Variants in LSM5 observed in about 807,000 individuals in gnomAD.
The protein encoded by LSM5 is U6 snRNA-associated Sm-like protein LSm5.
A neutral mutation model predicts 13.8 loss-of-function variants in LSM5; 8 were observed. The observed-to-expected ratio is 0.58, with a 90% CI of 0.34 to 1.04. The LOEUF (loss-of-function observed/expected upper bound fraction) is 1.04. Among genes scored for constraint, LSM5 ranks in the 50% least tolerant of loss-of-function variants. LSM5 has a pLI of 0.03. For synonymous variants in LSM5, 35 were observed against 37.0 expected (o/e 0.95, Z 0.20); for missense variants, 80 against 108.1 (o/e 0.74, Z 1.15).
Position 32,489,308 on chromosome 7 carries a change from A to C in LSM5, c.83T>G (p.Ile28Ser). The C allele has an allele frequency of 6.2e-7, 1 of 1,608,450 alleles. No homozygotes were observed. Among genetic ancestry groups the C allele is most frequent in the Non-Finnish European group, 8.5e-7 (1 of 1,176,184 alleles). ...VDKCIGSRIH[I>S]VMKSDKEIVG... is the part of the protein sequence containing the mutation. Reference sequence around the variant, plus strand: ...AATTTCCTTATCACTCTTCATCACGATGTGAATTCTTGATCCTATACATTT... The same window carrying C: ...AATTTCCTTATCACTCTTCATCACGCTGTGAATTCTTGATCCTATACATTT... Residue 28 changes from isoleucine (I) to serine (S), a missense_variant, in exon 2 of 5, where the codon ATC becomes AGC. Transcript: ENST00000450169.
chr7:32,490,431 T>A, upstream of LSM5: 1 of 1,378,182 alleles, frequency 7.3e-7, no homozygotes, highest in Non-Finnish European at 1.0e-6. Context: ...GCTTCCGCTT[T>A]TTCCGCAGCC....
chr7:32,491,017 G>A (rs540828342), upstream of LSM5, among the ~76,000 whole-genome samples: 3 of 152,280 alleles, frequency 2.0e-5, no homozygotes, highest in South Asian at 4.1e-4. Context: ...TTCCAGAAGT[G>A]TAAAATCATG....
chr7:32,494,022 AG>A (rs1279026429), upstream of LSM5, among the ~76,000 whole-genome samples: 1 of 151,770 alleles, frequency 6.6e-6, no homozygotes, highest in Non-Finnish European at 1.5e-5. Flanking sequence ...TGTACTAGAG[AG>A]GGGGTTTTAC....
Position 32,485,941 on chromosome 7 carries a change from C to T in LSM5, c.*1320G>A, listed in dbSNP as rs1786431672. ...TGCCACTGCATTCCAGTGAGACTCT[C>T]CAAAAAAAAAAAAAAAAAAAAAAAA... On this transcript the variant is annotated 3_prime_UTR_variant, in exon 5 of 5. Coordinates refer to ENST00000450169, the MANE Select transcript of LSM5 (RefSeq NM_012322.3). 3.0e-5 allele frequency: 1 copy of T among 33,316 alleles called. No individual in the cohort carries two copies. The highest frequency in any genetic ancestry group is 7.0e-5 in the Non-Finnish European group (1 of 14,266). 2.1% of individuals were successfully genotyped at this position (33,316 alleles called of 1,614,324 possible).
Position 32,486,529 on chromosome 7 carries a change from C to A in LSM5, c.*732G>T, listed in dbSNP as rs1414538841. On this transcript the variant is annotated 3_prime_UTR_variant, in exon 5 of 5. Transcript: ENST00000450169. Reference sequence around the variant, plus strand: ...TTATACAGTTCAATGATCTTATTATCAGTTCCTTGATTTGACCTGAGTCCT... The same window carrying A: ...TTATACAGTTCAATGATCTTATTATAAGTTCCTTGATTTGACCTGAGTCCT... 6.6e-6 allele frequency: 1 copy of A among 152,192 alleles called. No individual in the cohort carries two copies. The highest frequency in any genetic ancestry group is 1.5e-5 in the Non-Finnish European group (1 of 68,062). 9.4% of individuals were successfully genotyped at this position (152,192 alleles called of 1,614,324 possible).
chr7:32,490,408 C>T (rs934858812), upstream of LSM5: 4 of 1,536,926 alleles, frequency 2.6e-6, no homozygotes, highest in African/African-American at 5.4e-5. Flanking sequence ...GGTGGGACGA[C>T]TTTGAAAAGC....
At chr7:32,487,373 C>T (rs1786473034) in intron 4 of LSM5, 80 bp from the exon 5 acceptor site, 1 of 1,153,386 alleles carries the variant, frequency 8.7e-7, no homozygotes, top group African/African-American at 1.5e-5. Context: ...ATTAAGCCAC[C>T]TTTGCCTGTC....
chr7:32,487,454 A>G (rs2128105794), intron 4 of LSM5, 161 bp from the exon 5 acceptor site: 1 of 679,462 alleles, frequency 1.5e-6, no homozygotes, highest in Non-Finnish European at 2.6e-6. Flanking sequence ...TCATCAATTA[A>G]TACTTACTAT....
At position 32,486,293 on chromosome 7, in the gene LSM5, A is replaced by G. The variant is rs1369616191; in HGVS notation, c.*968T>C. On this transcript the variant is annotated 3_prime_UTR_variant, in exon 5 of 5. Transcript: ENST00000450169. Reference sequence around the variant, plus strand: ...AAATATTTGACACAGAAAGATATTCACCATTTAAATTCAAAAAATGACTTA... The same window carrying G: ...AAATATTTGACACAGAAAGATATTCGCCATTTAAATTCAAAAAATGACTTA... 6.6e-6 allele frequency: 1 copy of G among 152,238 alleles called. No individual in the cohort carries two copies. The highest frequency in any genetic ancestry group is 1.5e-5 in the Non-Finnish European group (1 of 68,044). 9.4% of individuals were successfully genotyped at this position (152,238 alleles called of 1,614,324 possible).
At chr7:32,487,599 A>C in intron 4 of LSM5, 86 bp downstream of exon 4, 1 of 790,260 alleles carries the variant, frequency 1.3e-6, no homozygotes, top group Non-Finnish European at 2.2e-6. Context: ...CATTTAGTCA[A>C]GCAAGCAACA....
chr7:32,488,769 G>C (rs1786506302), intron 2 of LSM5, 117 bp from the exon 3 acceptor site: 1 of 715,590 alleles, frequency 1.4e-6, no homozygotes, highest in South Asian at 1.6e-5. Flanking sequence ...TGTCATCCAG[G>C]CTTAAGTGCA....
In LSM5 at chr7:32,489,324, C is replaced by T; in HGVS notation, c.67G>A (p.Gly23Arg). The T allele has an allele frequency of 6.2e-7, 1 of 1,601,362 alleles. No individual in the cohort carries two copies. Among genetic ancestry groups the T allele is most frequent in the Non-Finnish European group, 8.5e-7 (1 of 1,171,460 alleles). The change falls in exon 2 of 5, where the codon GGA (glycine) becomes AGA (arginine). Residue 23 changes from glycine (G) to arginine (R), a missense_variant. Gly to Arg is a moderately radical substitution (Grantham distance 125). Coordinates refer to ENST00000450169, the MANE Select transcript of LSM5 (RefSeq NM_012322.3). The stretch of plus-strand genomic sequence containing the variant: ...TTCATCACGATGTGAATTCTTGATC[C>T]TATACATTTGTCCACAAGCTCTGAG... ...LPLELVDKCIGSRIHIVMKSD... is the reference protein window; with the variant it reads ...LPLELVDKCIRSRIHIVMKSD...
At position 32,487,676 on chromosome 7, in the gene LSM5, G is replaced by A. The variant is rs373989867; in HGVS notation, c.243+9C>T. 111 of 1,392,026 alleles carry A rather than the reference G, an allele frequency of 8.0e-5. No homozygotes were observed. The highest frequency in any genetic ancestry group is 1.8e-4 in the Middle Eastern group (1 of 5,642). 86.2% of individuals were successfully genotyped at this position (1,392,026 alleles called of 1,614,324 possible). A position where few individuals can be genotyped will look rare whatever the true frequency, so the allele number is the denominator to read the frequency against. On this transcript the variant is annotated intron_variant, in intron 4 of 4. Coordinates refer to ENST00000450169, the MANE Select transcript of LSM5 (RefSeq NM_012322.3). ...CCCATCAAAATAAAACAGTTTCAAT[G>A]TGTCTTACCATTGTTATATTATTTC...
At chr7:32,490,395 G>A, upstream of LSM5, 1 of 1,574,902 alleles carries the variant, frequency 6.3e-7, no homozygotes, top group Non-Finnish European at 8.7e-7. Flanking sequence ...TGCCTTCATT[G>A]ATGGTGGGAC....
Position 32,487,222 on chromosome 7 carries a change from A to C in LSM5, c.*39T>G, listed in dbSNP as rs201098340. The C allele has an allele frequency of 9.4e-6, 15 of 1,595,782 alleles. No homozygotes were observed. The highest frequency in any genetic ancestry group is 1.1e-5 in the Non-Finnish European group (13 of 1,164,208). On this transcript the variant is annotated 3_prime_UTR_variant, in exon 5 of 5. Transcript: ENST00000450169. Reference sequence around the variant, plus strand: ...AAAAATTCCATTTTCTTGTCATTATAAGCCAAAACAAAATCTAGTGTAAGT... The same window carrying C: ...AAAAATTCCATTTTCTTGTCATTATCAGCCAAAACAAAATCTAGTGTAAGT...
At chr7:32,490,651 C>T (rs995424927), upstream of LSM5, 4 of 458,936 alleles carry the variant, frequency 8.7e-6, no homozygotes, top group Admixed American at 1.4e-4. Context: ...GTTCCTGTAA[C>T]GTTTGAGTCT....
Position 32,486,990 on chromosome 7 carries a change from A to G in LSM5, c.*271T>C. 2.2e-6 allele frequency: 1 copy of G among 457,936 alleles called. No individual in the cohort carries two copies. Among genetic ancestry groups the G allele is most frequent in the Non-Finnish European group, 3.8e-6 (1 of 261,430 alleles). The allele number at this position is 457,936 out of a possible 1,614,324, so 28.4% of individuals were successfully genotyped here. The stretch of plus-strand genomic sequence containing the variant: ...AAAAGTAAGTGGCAAAATAACTACA[A>G]ACTTTGTTCCACTGGCTACTGCAGT... On this transcript the variant is annotated 3_prime_UTR_variant, in exon 5 of 5. Transcript: ENST00000450169.
At chr7:32,493,022 G>C (rs1298981830), upstream of LSM5, among the ~76,000 whole-genome samples, 1 of 152,184 alleles carries the variant, frequency 6.6e-6, no homozygotes, top group Non-Finnish European at 1.5e-5. Context: ...CATAATGTAA[G>C]ATGTGCATGG....
chr7:32,494,668 A>G (rs1786693593), upstream of LSM5, among the ~76,000 whole-genome samples: 1 of 152,262 alleles, frequency 6.6e-6, no homozygotes, highest in Non-Finnish European at 1.5e-5. Flanking sequence ...ACTGCTTAAA[A>G]AAGAATTGTA....
Sources: gnomAD v4.1 joint callset for allele counts (sites outside exome capture counted in the v4.1 genomes callset) on GRCh38, gnomAD v4.1.1 for gene constraint, MANE v1.5 for transcripts, NCBI Gene and HGNC (gene_info 2026-07-23, HGNC 2026-07-21) for gene names.